Variants in LAMA2 observed in about 807,000 individuals in gnomAD.
LAMA2 encodes the protein laminin subunit alpha-2.
LAMA2 carries 269 observed loss-of-function variants against 364.8 expected under a neutral mutation model. That is an observed-to-expected ratio of 0.74 (90% CI 0.67 to 0.82). The LOEUF (loss-of-function observed/expected upper bound fraction) is 0.82, where lower values mean the gene tolerates loss of function less well. LAMA2 is among the 40% of genes least tolerant of loss of function. LAMA2 has a pLI of 0.00. For missense variants in LAMA2, 3,807 were observed against 3,873.2 expected (o/e 0.98, Z 0.45); for synonymous variants, 1,379 against 1,370.6 (o/e 1.01, Z -0.14).
intron 1 of LAMA2, among the ~76,000 whole-genome samples, chr6:129,045,058 T>C (rs930291014): frequency 6.6e-6 from 1 of 152,194 alleles, no homozygotes; most frequent in African/African-American, 2.4e-5. Context: ...ATTCTTCAAA[T>C]TGGTCATTCA....
At chr6:129,114,056 G>C (rs1048856431) in intron 4 of LAMA2, among the ~76,000 whole-genome samples, 2 of 151,888 alleles carry the variant, frequency 1.3e-5, no homozygotes, top group Admixed American at 6.6e-5. Flanking sequence ...GTAATTCCAA[G>C]GATACTAAAA....
At chr6:129,386,032 C>T (rs1304337688) in intron 35 of LAMA2, among the ~76,000 whole-genome samples, 1 of 151,988 alleles carries the variant, frequency 6.6e-6, no homozygotes, top group Non-Finnish European at 1.5e-5. Context: ...AACGTTATGG[C>T]ATGGTTTTCT....
At chr6:129,487,625 C>A (rs1784657458) in intron 56 of LAMA2, among the ~76,000 whole-genome samples, 1 of 152,126 alleles carries the variant, frequency 6.6e-6, no homozygotes, top group African/African-American at 2.4e-5. Flanking sequence ...ACTAATTATC[C>A]TCTTGGGGAA....
intron 4 of LAMA2, among the ~76,000 whole-genome samples, chr6:129,116,491 A>G (rs569817447): frequency 4.6e-5 from 7 of 152,248 alleles, no homozygotes; most frequent in African/African-American, 1.7e-4. Context: ...CACAGCTATG[A>G]ATAGTTCTAA....
At chr6:129,221,204 A>G (rs557741388) in intron 12 of LAMA2, among the ~76,000 whole-genome samples, 3 of 151,680 alleles carry the variant, frequency 2.0e-5, no homozygotes, top group African/African-American at 7.2e-5. Context: ...GAACCTAGAA[A>G]CGGACCTACA....
chr6:129,315,382 A>G (rs1774514891), intron 24 of LAMA2, 94 bp from the exon 25 acceptor site: 11 of 1,059,562 alleles, frequency 1.0e-5, no homozygotes, highest in Non-Finnish European at 1.6e-5. Context: ...GAATGGGTAT[A>G]GGAACTGCAG....
intron 51 of LAMA2, among the ~76,000 whole-genome samples, chr6:129,466,864 G>A (rs1783570290): frequency 2.6e-5 from 4 of 151,846 alleles, no homozygotes; most frequent in South Asian, 4.1e-4. Flanking sequence ...GCTTTATCCT[G>A]AAAGCCATAG....
At chr6:129,116,861 C>T (rs1382515) in intron 4 of LAMA2, among the ~76,000 whole-genome samples, 38,959 of 151,544 alleles carry the variant, frequency 0.26, 5,788 homozygotes, top group African/African-American at 0.42. Context: ...GAAGAGATGA[C>T]AAAAATAAAT....
intron 2 of LAMA2, among the ~76,000 whole-genome samples, chr6:129,055,692 C>A (rs752976117): frequency 1.6e-4 from 25 of 152,100 alleles, no homozygotes; most frequent in Non-Finnish European, 2.6e-4. Flanking sequence ...ATGGAAGGTC[C>A]GCAGTTAATT....
chr6:129,014,050 AGATTT>A (rs1433209335), intron 1 of LAMA2, among the ~76,000 whole-genome samples: 1 of 152,188 alleles, frequency 6.6e-6, no homozygotes, highest in Non-Finnish European at 1.5e-5. Context: ...GATAGATTCT[AGATTT>A]TTGTCTTGAG....
At position 129,393,220 on chromosome 6, in the gene LAMA2, T is replaced by C. The variant is rs1239975246; in HGVS notation, c.5410T>C (p.Phe1804Leu). ...TDKIREANRL[F>L]AVNQKNMTAL... ...TAAAATCAGAGAAGCTAATCGCCTATTTGCAGTAAATCAGAAAAACATGAC... is the reference window on the plus strand; with the variant it reads ...TAAAATCAGAGAAGCTAATCGCCTACTTGCAGTAAATCAGAAAAACATGAC... Residue 1804 changes from phenylalanine to leucine, a missense_variant, in exon 37 of 65, where the codon TTT (phenylalanine) becomes CTT (leucine). Physicochemically the swap from Phe to Leu is conservative, Grantham distance 22. Transcript: ENST00000421865. The C allele has an allele frequency of 6.2e-7, 1 of 1,613,906 alleles. No homozygotes were observed. Among genetic ancestry groups the C allele is most frequent in the Admixed American group, 1.7e-5 (1 of 59,994 alleles).
chr6:129,380,375 T>A (rs1367575856), intron 34 of LAMA2, among the ~76,000 whole-genome samples: 1 of 152,102 alleles, frequency 6.6e-6, no homozygotes, highest in East Asian at 1.9e-4. Flanking sequence ...TTAGAGAATA[T>A]TTACTATAAG....
chr6:129,093,224 C>G (rs182196822), intron 3 of LAMA2, among the ~76,000 whole-genome samples: 1 of 151,350 alleles, frequency 6.6e-6, no homozygotes, highest in Non-Finnish European at 1.5e-5. Flanking sequence ...CTCCTGACAT[C>G]GTGATCCGCC....
At chr6:129,217,761 T>C (rs1008295097) in intron 12 of LAMA2, among the ~76,000 whole-genome samples, 1 of 152,154 alleles carries the variant, frequency 6.6e-6, no homozygotes, top group African/African-American at 2.4e-5. Context: ...TCAGAGTTGC[T>C]GGGAACCCCA....
intron 29 of LAMA2, among the ~76,000 whole-genome samples, chr6:129,333,975 C>T (rs980453850): frequency 1.2e-4 from 19 of 152,082 alleles, no homozygotes; most frequent in Admixed American, 9.8e-4. Flanking sequence ...TAAATACTTC[C>T]ATTAAACAAA....
At chr6:129,308,768 G>A (rs571035111) in intron 22 of LAMA2, among the ~76,000 whole-genome samples, 123 of 152,270 alleles carry the variant, frequency 8.1e-4, no homozygotes, top group African/African-American at 2.8e-3. Flanking sequence ...GAAGCATAGC[G>A]GCATCTGTTT....
At chr6:128,916,654 G>A (rs1282510414) in intron 1 of LAMA2, among the ~76,000 whole-genome samples, 1 of 152,206 alleles carries the variant, frequency 6.6e-6, no homozygotes, top group Admixed American at 6.5e-5. Context: ...TTCCTATGCA[G>A]TGGTGTTTCT....
intron 40 of LAMA2, among the ~76,000 whole-genome samples, chr6:129,425,580 C>G (rs1379704210): frequency 1.3e-5 from 2 of 152,030 alleles, no homozygotes; most frequent in East Asian, 3.8e-4. Context: ...TCTCTCCCTC[C>G]TCCCACTAGC....
chr6:129,128,338 G>T (rs1426009477), intron 4 of LAMA2, among the ~76,000 whole-genome samples: 1 of 152,074 alleles, frequency 6.6e-6, no homozygotes, highest in African/African-American at 2.4e-5. Flanking sequence ...GGGCTATTAT[G>T]CTGCATTGAC....
Sources: allele counts gnomAD v4.1 joint callset (sites outside exome capture counted in the v4.1 genomes callset), GRCh38; gene constraint gnomAD v4.1.1; transcripts MANE v1.5; gene names NCBI Gene and HGNC (gene_info 2026-07-23, HGNC 2026-07-21).